The following CWC27 variants were observed in gnomAD, a reference collection of about 807,000 sequenced individuals.
CWC27 encodes CWC27 spliceosome associated cyclophilin.
Under a neutral mutation model 63.6 loss-of-function variants are expected in CWC27, and 47 were observed. That is an observed-to-expected ratio of 0.74 (90% CI 0.58 to 0.94). The LOEUF is 0.94. Among genes scored for constraint, CWC27 ranks in the 40% least tolerant of loss-of-function variants. The pLI, the probability that CWC27 is intolerant of heterozygous loss-of-function variation, is 0.00. For missense variants in CWC27, 495 were observed against 554.3 expected (o/e 0.89, Z 1.07); for synonymous variants, 175 against 179.8 (o/e 0.97, Z 0.22).
At chr5:64,888,873 G>C (rs1747151105) in intron 11 of CWC27, among the ~76,000 whole-genome samples, 1 of 152,024 alleles carries the variant, frequency 6.6e-6, no homozygotes, top group Non-Finnish European at 1.5e-5. Flanking sequence ...AAGGTAAAAA[G>C]AGTAACTTTA....
chr5:64,840,385 AAAAAAAAAAATATAT>A (rs1745785069), intron 10 of CWC27, among the ~76,000 whole-genome samples: 3 of 69,472 alleles, frequency 4.3e-5, no homozygotes, highest in African/African-American at 1.9e-4. Flanking sequence ...AAAAAAAAAA[AAAAAAAAAAATATAT>A]ATATATATAT....
intron 10 of CWC27, among the ~76,000 whole-genome samples, chr5:64,816,733 T>C (rs1467277056): frequency 6.6e-6 from 1 of 152,144 alleles, no homozygotes; most frequent in Non-Finnish European, 1.5e-5. Flanking sequence ...GAACCCAAAA[T>C]GATACAAGGC....
chr5:64,966,525 A>G (rs1023855313), intron 11 of CWC27, among the ~76,000 whole-genome samples: 11 of 152,170 alleles, frequency 7.2e-5, no homozygotes, highest in African/African-American at 2.7e-4. Flanking sequence ...TCCCCAGTTT[A>G]TAGCTGAAGA....
At chr5:64,889,942 C>T (rs1747186018) in intron 11 of CWC27, among the ~76,000 whole-genome samples, 2 of 152,276 alleles carry the variant, frequency 1.3e-5, no homozygotes, top group Non-Finnish European at 1.5e-5. Flanking sequence ...TGTCTTGGCT[C>T]TGTCAGGTTC....
chr5:64,979,246 A>C (rs1749288271), intron 13 of CWC27, among the ~76,000 whole-genome samples: 1 of 152,224 alleles, frequency 6.6e-6, no homozygotes, highest in African/African-American at 2.4e-5. Flanking sequence ...AACAAGTTAA[A>C]GGAACCATTA....
Position 64,804,388 on chromosome 5 carries a change from T to C in CWC27, c.938+2T>C, listed in dbSNP as rs767210188. ...GGAGAAGAAATCAGTCAGCCGCAGG[T>C]GAGTCAGTTACTGTGCTAGATATCA... On this transcript the variant is annotated splice_donor_variant, in intron 10 of 13. Coordinates refer to ENST00000381070, the MANE Select transcript of CWC27 (RefSeq NM_005869.4). LOFTEE classifies it high-confidence loss of function. The C allele has an allele frequency of 1.5e-5, 24 of 1,609,414 alleles. No homozygotes were observed. The highest frequency in any genetic ancestry group is 2.0e-5 in the Non-Finnish European group (23 of 1,178,274).
intron 13 of CWC27, among the ~76,000 whole-genome samples, chr5:65,016,559 A>G (rs1750052092): frequency 6.6e-6 from 1 of 152,162 alleles, no homozygotes; most frequent in Non-Finnish European, 1.5e-5. Flanking sequence ...ATCCATATAT[A>G]TCATTTCTAC....
chr5:64,947,443 C>T (rs1410274672), intron 11 of CWC27, among the ~76,000 whole-genome samples: 5 of 152,008 alleles, frequency 3.3e-5, no homozygotes, highest in Admixed American at 2.0e-4. Context: ...ATAGTTGAGT[C>T]CTTTGGATGA....
At chr5:64,835,263 G>T (rs1017834400) in intron 10 of CWC27, among the ~76,000 whole-genome samples, 2 of 151,630 alleles carry the variant, frequency 1.3e-5, no homozygotes, top group African/African-American at 2.4e-5. Context: ...AGAAATTTTA[G>T]TTTTCAAAAA....
chr5:64,819,381 G>A (rs1279113253), intron 10 of CWC27, among the ~76,000 whole-genome samples: 2 of 151,976 alleles, frequency 1.3e-5, no homozygotes, highest in Admixed American at 6.6e-5. Flanking sequence ...GTTAAAAAAG[G>A]GTGACTGATA....
chr5:64,955,538 G>A lies in CWC27; in HGVS notation c.1043-16165G>A, dbSNP rs191200929. Among the ~76,000 whole-genome samples, 607 of 152,206 alleles carry A rather than the reference G, an allele frequency of 4.0e-3. 1 individual carries two copies. The highest frequency in any genetic ancestry group is 0.014 in the African/African-American group (569 of 41,532). The stretch of plus-strand genomic sequence containing the variant: ...ACAGCATTACCACTAAAATTGAGCA[G>A]GGCGACCCCCATTCAACTCACCATC... On this transcript the variant is annotated intron_variant, in intron 11 of 13. Coordinates refer to ENST00000381070, the MANE Select transcript of CWC27 (RefSeq NM_005869.4).
intron 13 of CWC27, among the ~76,000 whole-genome samples, chr5:64,990,497 C>T (rs1580768283): frequency 2.1e-5 from 1 of 48,348 alleles, no homozygotes; most frequent in African/African-American, 8.5e-5. Flanking sequence ...GATCTCCTGA[C>T]CTCGTGATCT....
intron 11 of CWC27, among the ~76,000 whole-genome samples, chr5:64,897,838 G>A (rs1747416436): frequency 1.3e-5 from 2 of 152,040 alleles, no homozygotes; most frequent in Admixed American, 1.3e-4. Context: ...CAGTTTACCA[G>A]GAAAATGTAA....
chr5:64,819,579 G>A (rs970063532), intron 10 of CWC27, among the ~76,000 whole-genome samples: 5 of 151,500 alleles, frequency 3.3e-5, no homozygotes, highest in African/African-American at 9.7e-5. Flanking sequence ...CCCTGTACAC[G>A]CTGTCTTTGC....
At chr5:65,002,494 T>G (rs1749747888) in intron 13 of CWC27, among the ~76,000 whole-genome samples, 1 of 152,178 alleles carries the variant, frequency 6.6e-6, no homozygotes, top group Non-Finnish European at 1.5e-5. Flanking sequence ...TGTATTTCCA[T>G]TTTCATTTGT....
Position 64,919,215 on chromosome 5 carries a change from C to T in CWC27, c.1042+33669C>T, listed in dbSNP as rs916558719. Among the ~76,000 whole-genome samples, 7 of 152,170 alleles carry T rather than the reference C, an allele frequency of 4.6e-5. No individual in the cohort carries two copies. The East Asian group carries it at 5.8e-4, about 13-fold the overall frequency. ...AAATTAATAAATAATTTTGTTGCTT[C>T]GTTTTGTCATTTGGGCCCAGTAAAT... is the stretch of plus-strand genomic sequence containing the variant. On this transcript the variant is annotated intron_variant, in intron 11 of 13. Coordinates refer to ENST00000381070, the MANE Select transcript of CWC27 (RefSeq NM_005869.4).
chr5:64,806,801 A>G (rs1744690708), intron 10 of CWC27, among the ~76,000 whole-genome samples: 1 of 152,100 alleles, frequency 6.6e-6, no homozygotes. Context: ...ATGATCCTGT[A>G]TGGGCAACAG....
intron 10 of CWC27, among the ~76,000 whole-genome samples, chr5:64,822,377 G>A (rs1745227632): frequency 6.6e-6 from 1 of 152,208 alleles, no homozygotes; most frequent in African/African-American, 2.4e-5. Context: ...AGAAAGTACA[G>A]TAGCTTCATG....
chr5:64,799,602 A>ATATATATATATATGTATATATG (rs143997810), intron 7 of CWC27, among the ~76,000 whole-genome samples: 7 of 132,830 alleles, frequency 5.3e-5, no homozygotes, highest in Non-Finnish European at 6.5e-5. Context: ...ATATATATAT[A>ATATATATATATATGTATATATG]CTTAATAGCA....
Sources: allele counts gnomAD v4.1 joint callset (sites outside exome capture counted in the v4.1 genomes callset), GRCh38; gene constraint gnomAD v4.1.1; transcripts MANE v1.5; gene names NCBI Gene and HGNC (gene_info 2026-07-23, HGNC 2026-07-21).